CDYL2: variants seen among roughly 807,000 people sequenced by gnomAD.
The protein encoded by CDYL2 is chromodomain Y-like protein 2.
A neutral mutation model predicts 49.4 loss-of-function variants in CDYL2; 23 were observed. The ratio of observed to expected loss-of-function variants is 0.47; its 90% CI spans 0.34 to 0.66. The LOEUF (loss-of-function observed/expected upper bound fraction) is 0.66, where lower values mean the gene tolerates loss of function less well. CDYL2 is among the 30% of genes least tolerant of loss of function. The pLI, the probability that CDYL2 is intolerant of heterozygous loss-of-function variation, is 0.01. For synonymous variants in CDYL2, 360 were observed against 268.8 expected (o/e 1.34, Z -3.32); for missense variants, 678 against 656.4 (o/e 1.03, Z -0.36).
chr16:80,645,783 C>T (rs1597145959), intron 2 of CDYL2, among the ~76,000 whole-genome samples: 1 of 151,930 alleles, frequency 6.6e-6, no homozygotes, highest in Admixed American at 6.6e-5. Flanking sequence ...GGCACATATA[C>T]ACCATGGACT....
intron 4 of CDYL2, among the ~76,000 whole-genome samples, chr16:80,613,423 T>C (rs892607035): frequency 2.0e-5 from 3 of 152,154 alleles, no homozygotes; most frequent in Non-Finnish European, 4.4e-5. Context: ...TTGGGATTGA[T>C]GACATTTTTC....
intron 2 of CDYL2, among the ~76,000 whole-genome samples, chr16:80,662,159 C>T (rs2142436580): frequency 6.6e-6 from 1 of 152,310 alleles, no homozygotes; most frequent in Non-Finnish European, 1.5e-5. Context: ...GATCTCACAC[C>T]TAGATGACTA....
At chr16:80,771,134 A>G (rs959370995) in intron 1 of CDYL2, among the ~76,000 whole-genome samples, 3 of 152,236 alleles carry the variant, frequency 2.0e-5, no homozygotes, top group African/African-American at 4.8e-5. Context: ...AGATGATCCT[A>G]TATTTCTCCA....
intron 2 of CDYL2, among the ~76,000 whole-genome samples, chr16:80,668,224 G>C (rs1290568578): frequency 2.0e-5 from 3 of 152,158 alleles, no homozygotes; most frequent in Non-Finnish European, 2.9e-5. Context: ...TCCAAGACAG[G>C]CTTTAAGTCA....
chr16:80,664,745 T>C (rs867188086), intron 2 of CDYL2, among the ~76,000 whole-genome samples: 2 of 152,260 alleles, frequency 1.3e-5, no homozygotes, highest in South Asian at 4.1e-4. Context: ...GACAACTAGA[T>C]CTGAATCCTG....
chr16:80,651,650 A>T (rs1908587624), intron 2 of CDYL2, among the ~76,000 whole-genome samples: 1 of 152,242 alleles, frequency 6.6e-6, no homozygotes, highest in South Asian at 2.1e-4. Context: ...AGAATGTGAC[A>T]AAAGAATCCA....
intron 2 of CDYL2, among the ~76,000 whole-genome samples, chr16:80,639,945 G>C (rs1480936464): frequency 6.6e-6 from 1 of 152,298 alleles, no homozygotes; most frequent in East Asian, 1.9e-4. Context: ...GGGAATCACT[G>C]ATATCCCAGT....
chr16:80,783,199 G>A (rs1392784807), intron 1 of CDYL2, among the ~76,000 whole-genome samples: 1 of 152,064 alleles, frequency 6.6e-6, no homozygotes, highest in Non-Finnish European at 1.5e-5. Flanking sequence ...TTTGAAACTA[G>A]GCAAAGAAGT....
Position 80,624,112 on chromosome 16 carries a change from G to A in CDYL2, c.835-3177C>T, listed in dbSNP as rs113191118. 3.5e-4 allele frequency among the ~76,000 whole-genome samples: 54 copies of A among 152,204 alleles called. 2 individuals are homozygous for A. The highest frequency in any genetic ancestry group is 6.8e-3 in the Middle Eastern group (2 of 294). ...AATCACAACCTTGCAGCAACACTGC[G>A]TATCTAGACTACACAATGTCTCTTG... On this transcript the variant is annotated intron_variant, in intron 3 of 6. Transcript: ENST00000570137.
chr16:80,740,523 C>T (rs1905697732), intron 1 of CDYL2, among the ~76,000 whole-genome samples: 4 of 152,028 alleles, frequency 2.6e-5, no homozygotes, highest in Admixed American at 2.6e-4. Context: ...GAACTTCTAG[C>T]CAATGCAATA....
In CDYL2 at chr16:80,721,190, ATCACTGTCATGTGCTAGCTG is replaced by A. The variant is rs375013611; in HGVS notation, c.25-36081_25-36062del. On this transcript the variant is annotated intron_variant, in intron 1 of 6. Transcript: ENST00000570137. Reference sequence around the variant, plus strand: ...ACAGAATAAGAGTGCTAAGAAACTAATCACTGTCATGTGCTAGCTGTTTGCTGTCTGCACATGTTAGATAT... The same window carrying A: ...ACAGAATAAGAGTGCTAAGAAACTAATTTGCTGTCTGCACATGTTAGATAT... Among the ~76,000 whole-genome samples, 1,219 of 152,274 alleles carry A rather than the reference ATCACTGTCATGTGCTAGCTG, an allele frequency of 8.0e-3. 12 individuals are homozygous for A. The highest frequency in any genetic ancestry group is 0.041 in the Middle Eastern group (12 of 294).
chr16:80,632,919 C>G, intron 3 of CDYL2, 100 bp downstream of exon 3: 1 of 1,213,378 alleles, frequency 8.2e-7, no homozygotes, highest in South Asian at 1.3e-5. Flanking sequence ...AGTTACCATC[C>G]TCAGCTCCCT....
At chr16:80,711,122 C>T (rs1373495134) in intron 1 of CDYL2, among the ~76,000 whole-genome samples, 2 of 152,188 alleles carry the variant, frequency 1.3e-5, no homozygotes, top group Non-Finnish European at 1.5e-5. Context: ...ACGCGACTGG[C>T]AAACTGGACA....
chr16:80,767,313 A>G (rs1034016426), intron 1 of CDYL2, among the ~76,000 whole-genome samples: 2 of 152,172 alleles, frequency 1.3e-5, no homozygotes, highest in African/African-American at 2.4e-5. Flanking sequence ...TTTTCAAAGA[A>G]AAGTTCTCTG....
chr16:80,632,775 C>T (rs142656803), intron 3 of CDYL2: 51 of 479,792 alleles, frequency 1.1e-4, no homozygotes, highest in African/African-American at 8.9e-4. Context: ...ACGATCAGTT[C>T]AGTGAGTCCC....
At chr16:80,654,373 AGC>A (rs1322511351) in intron 2 of CDYL2, among the ~76,000 whole-genome samples, 3 of 152,244 alleles carry the variant, frequency 2.0e-5, no homozygotes, top group African/African-American at 7.2e-5. Context: ...TTAAAGAAGC[AGC>A]ACACAGTAAA....
chr16:80,746,706 G>C (rs908721058), intron 1 of CDYL2, among the ~76,000 whole-genome samples: 3 of 152,108 alleles, frequency 2.0e-5, no homozygotes, highest in African/African-American at 7.2e-5. Flanking sequence ...CAGGTGTGAG[G>C]GTGTGGGGCA....
At chr16:80,614,563 C>G (rs145725380) in intron 4 of CDYL2, among the ~76,000 whole-genome samples, 3 of 152,188 alleles carry the variant, frequency 2.0e-5, no homozygotes, top group African/African-American at 7.2e-5. Context: ...ACAGCTAATA[C>G]TTAACTAATA....
chr16:80,653,135 C>A (rs957345311), intron 2 of CDYL2, among the ~76,000 whole-genome samples: 1 of 152,170 alleles, frequency 6.6e-6, no homozygotes, highest in Non-Finnish European at 1.5e-5. Flanking sequence ...TGCTGTATTT[C>A]GTGTTCCAAT....
Sources: allele counts gnomAD v4.1 joint callset (sites outside exome capture counted in the v4.1 genomes callset), GRCh38; gene constraint gnomAD v4.1.1; transcripts MANE v1.5; gene names NCBI Gene and HGNC (gene_info 2026-07-23, HGNC 2026-07-21).